The following TBC1D22A variants were observed in gnomAD, a reference collection of about 807,000 sequenced individuals.
TBC1D22A encodes the protein putative GTPase activator.
Under a neutral mutation model 60.2 loss-of-function variants are expected in TBC1D22A, and 38 were observed. The ratio of observed to expected loss-of-function variants is 0.63; its 90% confidence interval spans 0.49 to 0.83. The LOEUF (loss-of-function observed/expected upper bound fraction) is 0.83, where lower values mean the gene tolerates loss of function less well. TBC1D22A is among the 40% of genes least tolerant of loss of function. The pLI, the probability that TBC1D22A is intolerant of heterozygous loss-of-function variation, is 0.00. For missense variants in TBC1D22A, 628 were observed against 701.0 expected, an observed-to-expected ratio of 0.90 and a Z score of 1.18; for synonymous variants, 302 against 281.7, an observed-to-expected ratio of 1.07 and a Z score of -0.72.
chr22:46,898,542 TTA>T (rs556831212), intron 7 of TBC1D22A, among the ~76,000 whole-genome samples: 1 of 151,990 alleles, frequency 6.6e-6, no homozygotes, highest in Non-Finnish European at 1.5e-5. Flanking sequence ...CATTTTTTTT[TTA>T]ACCTAAAACG....
At chr22:46,781,456 C>A (rs1025203751) in intron 1 of TBC1D22A, among the ~76,000 whole-genome samples, 3 of 152,176 alleles carry the variant, frequency 2.0e-5, no homozygotes, top group Admixed American at 6.5e-5. Flanking sequence ...GATTATAGGC[C>A]TGAGCCACCA....
intron 4 of TBC1D22A, among the ~76,000 whole-genome samples, chr22:46,864,218 G>T (rs1053965272): frequency 3.3e-5 from 5 of 152,230 alleles, no homozygotes; most frequent in Non-Finnish European, 5.9e-5. Context: ...TTATGTTAAT[G>T]ATAGCAATTA....
At chr22:47,160,456 C>T (rs1259876696) in intron 12 of TBC1D22A, among the ~76,000 whole-genome samples, 1 of 152,182 alleles carries the variant, frequency 6.6e-6, no homozygotes, top group African/African-American at 2.4e-5. Context: ...CACAGGGCCG[C>T]CGGTAGCTGA....
intron 4 of TBC1D22A, among the ~76,000 whole-genome samples, chr22:46,858,535 GA>G (rs1399349103): frequency 1.3e-5 from 2 of 152,186 alleles, no homozygotes; most frequent in African/African-American, 2.4e-5. Flanking sequence ...TCATGTTTAT[GA>G]TGAAGTAGTC....
At chr22:46,897,007 A>G (rs2068713246) in intron 7 of TBC1D22A, among the ~76,000 whole-genome samples, 1 of 152,164 alleles carries the variant, frequency 6.6e-6, no homozygotes, top group African/African-American at 2.4e-5. Flanking sequence ...TGAATGTGCT[A>G]GTTCCTCTTT....
At chr22:46,985,769 G>A (rs774983635) in intron 9 of TBC1D22A, among the ~76,000 whole-genome samples, 9 of 152,126 alleles carry the variant, frequency 5.9e-5, no homozygotes, top group South Asian at 4.2e-4. Flanking sequence ...GCTGTTCCAC[G>A]TCAGAATGCG....
At chr22:46,975,165 T>C (rs1252241982) in intron 9 of TBC1D22A, among the ~76,000 whole-genome samples, 1 of 152,070 alleles carries the variant, frequency 6.6e-6, no homozygotes, top group Non-Finnish European at 1.5e-5. Flanking sequence ...TTGAGGCCAG[T>C]ACATCCTTTC....
intron 12 of TBC1D22A, among the ~76,000 whole-genome samples, chr22:47,145,196 G>A (rs1000896597): frequency 3.3e-5 from 5 of 152,320 alleles, no homozygotes; most frequent in Non-Finnish European, 5.9e-5. Flanking sequence ...CCCCACCTGC[G>A]TCTTCTGCCA....
intron 10 of TBC1D22A, among the ~76,000 whole-genome samples, chr22:47,003,974 C>A (rs1366796698): frequency 6.7e-6 from 1 of 149,018 alleles, no homozygotes; most frequent in Non-Finnish European, 1.5e-5. Flanking sequence ...TGTATACACA[C>A]CCTACGCACA....
chr22:47,074,879 G>A (rs866450842), intron 11 of TBC1D22A, among the ~76,000 whole-genome samples: 1 of 152,204 alleles, frequency 6.6e-6, no homozygotes, highest in Non-Finnish European at 1.5e-5. Context: ...CATCTACTCT[G>A]GGTTAGGCCC....
chr22:46,770,398 C>T (rs1349239519), intron 1 of TBC1D22A, among the ~76,000 whole-genome samples: 1 of 152,202 alleles, frequency 6.6e-6, no homozygotes, highest in Admixed American at 6.5e-5. Context: ...GTGATGAGAC[C>T]CATGCCGGAT....
intron 1 of TBC1D22A, among the ~76,000 whole-genome samples, chr22:46,769,272 C>T (rs537663028): frequency 3.3e-5 from 5 of 152,294 alleles, no homozygotes; most frequent in South Asian, 2.1e-4. Flanking sequence ...GCAAATCAGA[C>T]GGTCGGCTGA....
In TBC1D22A at chr22:46,950,421, C is replaced by T. The variant is rs148738748; in HGVS notation, c.1016-23869C>T. The stretch of plus-strand genomic sequence containing the variant: ...TTCAACACTCTTAGTCAAAACCCCA[C>T]GGGTCTTTACGTTGTCCTCCCAGGC... On this transcript the variant is annotated intron_variant, in intron 8 of 12. Transcript: ENST00000337137. Among the ~76,000 whole-genome samples the T allele has an allele frequency of 2.9e-3, 444 of 152,274 alleles. 3 individuals are homozygous for T. The highest frequency in any genetic ancestry group is 0.01 in the African/African-American group (423 of 41,540).
intron 5 of TBC1D22A, among the ~76,000 whole-genome samples, chr22:46,881,930 C>A (rs1480015994): frequency 6.6e-6 from 1 of 152,178 alleles, no homozygotes; most frequent in Non-Finnish European, 1.5e-5. Flanking sequence ...GTGCACAATG[C>A]GAGTCACCCA....
chr22:47,103,850 TG>T (rs1177347842), intron 11 of TBC1D22A, among the ~76,000 whole-genome samples: 2 of 152,186 alleles, frequency 1.3e-5, no homozygotes, highest in Non-Finnish European at 2.9e-5. Flanking sequence ...TCTCATCAGA[TG>T]GGTTTTAATT....
At chr22:46,919,222 C>A (rs1332618979) in intron 8 of TBC1D22A, among the ~76,000 whole-genome samples, 2 of 152,202 alleles carry the variant, frequency 1.3e-5, no homozygotes, top group East Asian at 3.8e-4. Flanking sequence ...TGTGGATTTG[C>A]TTCTTCTGGA....
At chr22:46,915,903 C>G (rs781217235) in intron 8 of TBC1D22A, 1 of 450,922 alleles carries the variant, frequency 2.2e-6, no homozygotes, top group Admixed American at 2.4e-5. Flanking sequence ...GTGGGAGGTT[C>G]CAACTCTGCA....
chr22:47,120,886 A>G (rs941258023), intron 12 of TBC1D22A, among the ~76,000 whole-genome samples: 4 of 152,242 alleles, frequency 2.6e-5, no homozygotes, highest in African/African-American at 9.6e-5. Flanking sequence ...GCCTAGCCCA[A>G]GAAAATGCCA....
At chr22:47,160,566 C>T (rs1026988795) in intron 12 of TBC1D22A, among the ~76,000 whole-genome samples, 1 of 152,212 alleles carries the variant, frequency 6.6e-6, no homozygotes, top group Non-Finnish European at 1.5e-5. Context: ...CCTCCCCAGC[C>T]CCGTCCTCTC....
Sources: allele counts gnomAD v4.1 joint callset (sites outside exome capture counted in the v4.1 genomes callset), GRCh38; gene constraint gnomAD v4.1.1; transcripts MANE v1.5; gene names NCBI Gene and HGNC (gene_info 2026-07-23, HGNC 2026-07-21).